FOXO1: variants seen among roughly 807,000 people sequenced by gnomAD.
FOXO1 encodes forkhead box protein O1.
FOXO1 carries 6 observed loss-of-function variants against 44.1 expected under a neutral mutation model. The ratio of observed to expected loss-of-function variants is 0.14; its 90% CI spans 0.07 to 0.27. FOXO1 has a LOEUF of 0.27. FOXO1 is among the 10% of genes least tolerant of loss of function. FOXO1 has a pLI of 1.00. For synonymous variants in FOXO1, 380 were observed against 362.7 expected (o/e 1.05, Z -0.54); for missense variants, 737 against 888.8 (o/e 0.83, Z 2.17).
At chr13:40,659,389 T>C (rs1392419633) in intron 1 of FOXO1, among the ~76,000 whole-genome samples, 1 of 148,958 alleles carries the variant, frequency 6.7e-6, no homozygotes, top group Non-Finnish European at 1.5e-5. Context: ...ATAAAGAGTG[T>C]AGCTTCAGGG....
intron 1 of FOXO1, among the ~76,000 whole-genome samples, chr13:40,645,518 T>C (rs1467624053): frequency 6.6e-6 from 1 of 152,202 alleles, no homozygotes; most frequent in Non-Finnish European, 1.5e-5. Flanking sequence ...ATCAGTTCTA[T>C]TAATAACAAT....
intron 1 of FOXO1, among the ~76,000 whole-genome samples, chr13:40,624,645 T>C (rs978523366): frequency 2.0e-5 from 3 of 152,164 alleles, no homozygotes; most frequent in African/African-American, 4.8e-5. Flanking sequence ...TGACACTGCA[T>C]AGGAATTTAA....
chr13:40,597,299 G>A (rs181398697), intron 1 of FOXO1, among the ~76,000 whole-genome samples: 1 of 152,296 alleles, frequency 6.6e-6, no homozygotes, highest in African/African-American at 2.4e-5. Flanking sequence ...GGAGTTTGTT[G>A]CCAGAGATGA....
At chr13:40,619,195 G>A (rs1876525340) in intron 1 of FOXO1, 1 of 359,380 alleles carries the variant, frequency 2.8e-6, no homozygotes, top group South Asian at 2.2e-5. Flanking sequence ...TCAGGAGGCT[G>A]AGGCAGGAGA....
intron 1 of FOXO1, among the ~76,000 whole-genome samples, chr13:40,583,874 A>G (rs1247445938): frequency 6.6e-6 from 1 of 152,252 alleles, no homozygotes. Context: ...GCTGACTGGC[A>G]TAAGAGGCCT....
intron 1 of FOXO1, among the ~76,000 whole-genome samples, chr13:40,599,227 A>C (rs1375964677): frequency 1.3e-5 from 2 of 152,150 alleles, no homozygotes; most frequent in Non-Finnish European, 2.9e-5. Context: ...GAAAAAAAAA[A>C]AAAGCTTCCA....
Position 40,558,548 on chromosome 13 carries a change from G to T in FOXO1, c.*501C>A. On this transcript the variant is annotated 3_prime_UTR_variant, in exon 3 of 3. Transcript: ENST00000379561. ...ATGCAGAATGGAGATTCAGTTCTTT[G>T]TGATCCGTCAGTTCCGCAGAAAACA... is the stretch of plus-strand genomic sequence containing the variant. The T allele has an allele frequency of 3.8e-6, 1 of 262,558 alleles. No individual in the cohort carries two copies. The highest frequency in any genetic ancestry group is 6.5e-5 in the East Asian group (1 of 15,356). 16.3% of individuals were successfully genotyped at this position (262,558 alleles called of 1,614,324 possible). A position where few individuals can be genotyped will look rare whatever the true frequency, so the allele number is the denominator to read the frequency against.
intron 1 of FOXO1, among the ~76,000 whole-genome samples, chr13:40,663,194 A>C (rs1332980095): frequency 2.0e-5 from 3 of 152,258 alleles, no homozygotes; most frequent in African/African-American, 7.2e-5. Flanking sequence ...CAGGTCTCCT[A>C]GCTCTGGCAA....
chr13:40,570,038 C>T (rs1469075521), intron 1 of FOXO1, among the ~76,000 whole-genome samples: 2 of 152,124 alleles, frequency 1.3e-5, no homozygotes, highest in Non-Finnish European at 2.9e-5. Context: ...CTAGGCCAGG[C>T]GCAGTGGCTC....
chr13:40,556,904 T>G lies in FOXO1; in HGVS notation c.*2145A>C, dbSNP rs1440368235. 2 of 152,134 alleles carry G rather than the reference T, an allele frequency of 1.3e-5. No homozygotes were observed. Among genetic ancestry groups the G allele is most frequent in the Admixed American group, 6.6e-5 (1 of 15,256 alleles). The allele number at this position is 152,134 out of a possible 1,614,324, so 9.4% of individuals were successfully genotyped here. ...TAATAGAAATTAGTACACAAGTACT[T>G]TGGCACCAAGTTCAGTTACATACCC... On this transcript the variant is annotated 3_prime_UTR_variant, in exon 3 of 3. Transcript: ENST00000379561.
chr13:40,647,371 T>C (rs925065083), intron 1 of FOXO1, among the ~76,000 whole-genome samples: 1 of 152,226 alleles, frequency 6.6e-6, no homozygotes, highest in Non-Finnish European at 1.5e-5. Flanking sequence ...CATTTTCTCC[T>C]GTTAGAGTCT....
At chr13:40,589,149 AACTGTCCAT>A (rs1202510748) in intron 1 of FOXO1, among the ~76,000 whole-genome samples, 8 of 152,236 alleles carry the variant, frequency 5.3e-5, no homozygotes, top group Non-Finnish European at 8.8e-5. Flanking sequence ...CACTGATGCC[AACTGTCCAT>A]AAGACAGTCA....
chr13:40,628,356 T>TACACACACACACACACAC (rs34314244), intron 1 of FOXO1, among the ~76,000 whole-genome samples: 45 of 145,302 alleles, frequency 3.1e-4, no homozygotes, highest in African/African-American at 1.0e-3. Context: ...AAGAGCTGTT[T>TACACACACACACACACAC]ACACACACAC....
Position 40,644,471 on chromosome 13 carries a change from C to T in FOXO1, c.630+21112G>A, listed in dbSNP as rs564634795. Among the ~76,000 whole-genome samples the T allele has an allele frequency of 2.4e-3, 372 of 152,034 alleles. 4 individuals carry two copies. In the Middle Eastern group the frequency reaches 0.031, roughly 13 times the overall value. On this transcript the variant is annotated intron_variant, in intron 1 of 2. Transcript: ENST00000379561. ...GAATGAAAGGAGGACCGATTAGAAG[C>T]CAGAGATAGAGTAAAAGCCAAATCT...
At position 40,666,285 on chromosome 13, in the gene FOXO1, A is replaced by AG; in HGVS notation, c.-74dup. 8.0e-7 allele frequency: 1 copy of AG among 1,252,478 alleles called. No homozygotes were observed. The highest frequency in any genetic ancestry group is 2.1e-5 in the South Asian group (1 of 46,828). The allele number at this position is 1,252,478 out of a possible 1,614,324, so 77.6% of individuals were successfully genotyped here. ...AACGCAGCACTGGGGGCGGACGGGG[A>AG]GGGGGCGCGAAGGGACGGTCCGAGA... On this transcript the variant is annotated 5_prime_UTR_variant, in exon 1 of 3. Coordinates refer to ENST00000379561, the MANE Select transcript of FOXO1 (RefSeq NM_002015.4).
intron 1 of FOXO1, among the ~76,000 whole-genome samples, chr13:40,630,718 A>G (rs1312352825): frequency 6.6e-6 from 1 of 152,036 alleles, no homozygotes; most frequent in Non-Finnish European, 1.5e-5. Context: ...ATAGGGAAAG[A>G]GCCTAAAACT....
chr13:40,615,119 C>T (rs560568154), intron 1 of FOXO1, among the ~76,000 whole-genome samples: 4 of 152,344 alleles, frequency 2.6e-5, no homozygotes, highest in African/African-American at 4.8e-5. Context: ...GCACCTACCA[C>T]CGTGTGGGTT....
chr13:40,564,282 TA>T (rs61574102), intron 1 of FOXO1, among the ~76,000 whole-genome samples: 30,971 of 145,118 alleles, frequency 0.21, 3,247 homozygotes, highest in South Asian at 0.32. Context: ...ATTTAGACTT[TA>T]AAAAAAAAAA....
At chr13:40,664,816 C>T (rs548027375) in intron 1 of FOXO1, among the ~76,000 whole-genome samples, 1 of 151,160 alleles carries the variant, frequency 6.6e-6, no homozygotes, top group East Asian at 2.0e-4. Flanking sequence ...CACGCCACCG[C>T]CACCGCCACC....
Sources: allele counts gnomAD v4.1 joint callset (sites outside exome capture counted in the v4.1 genomes callset), GRCh38; gene constraint gnomAD v4.1.1; transcripts MANE v1.5; gene names NCBI Gene and HGNC (gene_info 2026-07-23, HGNC 2026-07-21).